Variants in GRIP2 observed in about 807,000 individuals in gnomAD.
GRIP2 encodes glutamate receptor interacting protein 2, also known as glutamate receptor-interacting protein 2.
In GRIP2, 58 loss-of-function variants were observed where a neutral mutation model predicts 108.3. The ratio of observed to expected loss-of-function variants is 0.54; its 90% CI spans 0.43 to 0.67. The LOEUF is 0.67. GRIP2 is among the 30% of genes least tolerant of loss of function. The pLI, the probability that GRIP2 is intolerant of heterozygous loss-of-function variation, is 0.00. For missense variants in GRIP2, 1,278 were observed against 1,430.6 expected (o/e 0.89, Z 1.72); for synonymous variants, 586 against 598.2 (o/e 0.98, Z 0.30).
At chr3:14,541,944 G>T, upstream of GRIP2, 2 of 1,347,794 alleles carry the variant, frequency 1.5e-6, no homozygotes, top group Non-Finnish European at 2.0e-6. Context: ...CTTCACCAGG[G>T]CACAGAGGCC....
At chr3:14,599,663 GTCTCTC>G in the GRIP2 span, among the ~76,000 whole-genome samples, 931 of 142,658 alleles carry the variant, frequency 6.5e-3, 10 homozygotes, top group African/African-American at 0.018. Flanking sequence ...TGAAGCACAA[GTCTCTC>G]TCTCTCTCTC....
rs566667022 is a variant in GRIP2, at chr3:14,512,415, T to C, written c.1720+362A>G. ...TGACAAACATGAATTAAGCACCTAC[T>C]GTGTTCCAGGCCTTTGCTGGGCTCT... On this transcript the variant is annotated intron_variant, in intron 14 of 23. Transcript: ENST00000621039. The surrounding 1 kb of genome is among the most constrained non-coding windows in gnomAD (Gnocchi z 5.1). Among the ~76,000 whole-genome samples the C allele has an allele frequency of 2.0e-5, 3 of 152,336 alleles. No homozygotes were observed. The South Asian group carries it at 6.2e-4, about 32-fold the overall frequency.
chr3:14,529,360 A>G (rs35925348), intron 1 of GRIP2, among the ~76,000 whole-genome samples: 30,009 of 151,744 alleles, frequency 0.2, 3,110 homozygotes, highest in African/African-American at 0.26. Context: ...AACAATCATT[A>G]ACACTTTGCA....
chr3:14,509,654 C>T (rs1480299006), intron 17 of GRIP2, among the ~76,000 whole-genome samples, 166 bp downstream of exon 17: 1 of 152,248 alleles, frequency 6.6e-6, no homozygotes, highest in African/African-American at 2.4e-5. Flanking sequence ...ACTCATTTTA[C>T]AAATGCAGAC....
chr3:14,579,985 G>A, the GRIP2 span, among the ~76,000 whole-genome samples: 1 of 152,188 alleles, frequency 6.6e-6, no homozygotes, highest in Non-Finnish European at 1.5e-5. Context: ...TGGGTAACAG[G>A]TTCCCTGTGT....
chr3:14,556,664 C>T (rs1156720667), upstream of GRIP2, among the ~76,000 whole-genome samples: 1 of 152,168 alleles, frequency 6.6e-6, no homozygotes, highest in East Asian at 1.9e-4. Context: ...CATGGGGATA[C>T]CCAGAGAAGC....
chr3:14,509,784 G>A, intron 17 of GRIP2, 36 bp downstream of exon 17: 2 of 1,401,610 alleles, frequency 1.4e-6, no homozygotes, highest in East Asian at 2.8e-5. Flanking sequence ...TGTGTTCCCT[G>A]AGCCCACCAT....
chr3:14,542,490 T>TA (rs57426824), upstream of GRIP2, among the ~76,000 whole-genome samples: 6 of 149,896 alleles, frequency 4.0e-5, no homozygotes, highest in African/African-American at 1.2e-4. Flanking sequence ...CTCCTTCTCT[T>TA]AAAAAAAATT....
intron 19 of GRIP2, among the ~76,000 whole-genome samples, chr3:14,506,306 A>G (rs980987208): frequency 1.3e-5 from 2 of 152,182 alleles, no homozygotes; most frequent in Non-Finnish European, 2.9e-5. Context: ...GCCAGCCACC[A>G]GACTCAGACG....
intron 11 of GRIP2, among the ~76,000 whole-genome samples, chr3:14,515,988 A>G (rs2124902989): frequency 6.6e-6 from 1 of 152,212 alleles, no homozygotes; most frequent in Admixed American, 6.5e-5. Context: ...ACTATGCCCC[A>G]TAATTAATTA....
Position 14,511,337 on chromosome 3 carries a change from G to A in GRIP2, c.1788-27C>T, listed in dbSNP as rs895633329. On this transcript the variant is annotated intron_variant, in intron 15 of 23. Transcript: ENST00000621039. The surrounding 1 kb of genome is among the most constrained non-coding windows in gnomAD (Gnocchi z 4.1). The stretch of plus-strand genomic sequence containing the variant: ...TGCATGAGTCGGGGGCAGAGGGGAT[G>A]GAAGGAGCCTGGTGCATGCAGGTGC... 2 of 1,614,002 alleles carry A rather than the reference G, an allele frequency of 1.2e-6. No individual in the cohort carries two copies. The highest frequency in any genetic ancestry group is 1.3e-5 in the African/African-American group (1 of 75,070).
Position 14,509,893 on chromosome 3 carries a change from T to C in GRIP2, c.2005A>G (p.Thr669Ala). ...AAAGGTTCCTCCGTGCCCGAAATGGTGATGCCCAGGGGACCCCCGTAGCGC... is the reference window on the plus strand; with the variant it reads ...AAAGGTTCCTCCGTGCCCGAAATGGCGATGCCCAGGGGACCCCCGTAGCGC... ...LKRYGGPLGI[T>A]ISGTEEPFDP... is the part of the protein sequence containing the mutation. Residue 669 changes from threonine to alanine, a missense_variant, in exon 17 of 24, where the codon ACC becomes GCC. By Grantham distance (58) the Thr-to-Ala change is moderately conservative. Transcript: ENST00000621039. 1 of 1,547,934 alleles carries C rather than the reference T, an allele frequency of 6.5e-7. No individual in the cohort carries two copies. Among genetic ancestry groups the C allele is most frequent in the Non-Finnish European group, 8.7e-7 (1 of 1,145,892 alleles).
the GRIP2 span, among the ~76,000 whole-genome samples, chr3:14,588,197 T>C: frequency 6.6e-6 from 1 of 152,194 alleles, no homozygotes; most frequent in African/African-American, 2.4e-5. Context: ...ACTGCTCTGG[T>C]CCCAACAAAC....
At position 14,493,692 on chromosome 3, in the gene GRIP2, T is replaced by TGGCGATCGGGGGGCCC. The variant is rs780461863; in HGVS notation, c.3089_3104dup (p.Ser1038ProfsTer21). 7.5e-6 allele frequency: 12 copies of TGGCGATCGGGGGGCCC among 1,607,122 alleles called. No homozygotes were observed. In the African/African-American group the frequency reaches 1.5e-4, roughly 20 times the overall value. On this transcript the variant is annotated frameshift_variant, in exon 24 of 24. Coordinates refer to ENST00000621039, the MANE Select transcript of GRIP2 (RefSeq NM_001080423.4). LOFTEE classifies it high-confidence loss of function. Reference sequence around the variant, plus strand: ...AGAGCATCCGGGGACTGCTGGGGCCTGGCGATCGGGGGGCCCGGCTGCTGT... The same window carrying TGGCGATCGGGGGGCCC: ...AGAGCATCCGGGGACTGCTGGGGCCTGGCGATCGGGGGGCCCGGCGATCGGGGGGCCCGGCTGCTGT...
the GRIP2 span, among the ~76,000 whole-genome samples, chr3:14,569,253 G>C: frequency 2.0e-5 from 3 of 152,212 alleles, no homozygotes; most frequent in Non-Finnish European, 4.4e-5. Context: ...ACAACTTCTG[G>C]GGAAGAAAAT....
chr3:14,596,896 A>G, the GRIP2 span, among the ~76,000 whole-genome samples: 1 of 152,030 alleles, frequency 6.6e-6, no homozygotes, highest in African/African-American at 2.4e-5. Context: ...ACACGCCACC[A>G]TACTCAGCTG....
intron 21 of GRIP2, 148 bp downstream of exon 21, chr3:14,503,418 A>C (rs561886879): frequency 1.6e-6 from 1 of 621,622 alleles, no homozygotes; most frequent in East Asian, 2.8e-5. Flanking sequence ...ATGTGAAGAC[A>C]CCTTTTCCCA....
the GRIP2 span, among the ~76,000 whole-genome samples, chr3:14,597,688 C>T: frequency 6.6e-6 from 1 of 150,482 alleles, no homozygotes; most frequent in East Asian, 2.0e-4. Flanking sequence ...AGTGTAGATT[C>T]CTTGTCCTTT....
In GRIP2 at chr3:14,506,884, C is replaced by T. The variant is rs374577398; in HGVS notation, c.2315G>A (p.Arg772His). 128 of 1,606,470 alleles carry T rather than the reference C, an allele frequency of 8.0e-5. No individual in the cohort carries two copies. Among genetic ancestry groups the T allele is most frequent in the Non-Finnish European group, 9.6e-5 (113 of 1,176,626 alleles). ...CACACTGGGCACAGCCGGCGAGAAG[C>T]GGGCTGCTGGCAGGCCTCCTTTCAG... is the stretch of plus-strand genomic sequence containing the variant. ...DALKGGLPAA[R>H]FSPAVPSVDS... The change falls in exon 19 of 24, where the codon CGC becomes CAC. Residue 772 changes from arginine to histidine, a missense_variant. Transcript: ENST00000621039.
Sources: gnomAD v4.1 joint callset for allele counts (sites outside exome capture counted in the v4.1 genomes callset) on GRCh38, gnomAD v4.1.1 for gene constraint, Gnocchi (gnomAD v3.1) non-coding constraint, MANE v1.5 for transcripts, NCBI Gene and HGNC (gene_info 2026-07-23, HGNC 2026-07-21) for gene names.